Variants in PIK3CB observed in about 807,000 individuals in gnomAD.
PIK3CB encodes the protein phosphatidylinositol 4,5-bisphosphate 3-kinase catalytic subunit beta isoform.
PIK3CB carries 39 observed loss-of-function variants against 136.8 expected under a neutral mutation model. That is an observed-to-expected ratio of 0.29 (90% CI 0.22 to 0.37). The LOEUF is 0.37. PIK3CB is among the 10% of genes least tolerant of loss of function. The pLI, the probability that PIK3CB is intolerant of heterozygous loss-of-function variation, is 1.00. For missense variants in PIK3CB, 868 were observed against 1,275.4 expected, an observed-to-expected ratio of 0.68 and a Z score of 4.87; for synonymous variants, 428 against 436.6, an observed-to-expected ratio of 0.98 and a Z score of 0.25.
chr3:138,789,880 G>A lies in PIK3CB; in HGVS notation c.-17+6583C>T, dbSNP rs570739502. ...TAATTTTCATATTTTTAGTAGAGAC[G>A]GGGTTTCACCATGTTGGCCAGGCTG... On this transcript the variant is annotated intron_variant, in intron 2 of 23. Coordinates refer to ENST00000674063, the MANE Select transcript of PIK3CB (RefSeq NM_006219.3). Among the ~76,000 whole-genome samples, 17 of 152,108 alleles carry A rather than the reference G, an allele frequency of 1.1e-4. No individual in the cohort carries two copies. In the South Asian group the frequency reaches 2.7e-3, roughly 24 times the overall value.
Position 138,699,365 on chromosome 3 carries a change from G to T in PIK3CB, c.1582-270C>A, listed in dbSNP as rs572491032. 8.5e-5 allele frequency among the ~76,000 whole-genome samples: 13 copies of T among 152,222 alleles called. No individual in the cohort carries two copies. The South Asian group carries it at 2.7e-3, about 32-fold the overall frequency. ...GCTTTTTGGATAAAAATCCAAGTCA[G>T]GCCAGGCAAGGTGGCTCACGCCTGT... On this transcript the variant is annotated intron_variant, in intron 12 of 23. Coordinates refer to ENST00000674063, the MANE Select transcript of PIK3CB (RefSeq NM_006219.3).
intron 1 of PIK3CB, among the ~76,000 whole-genome samples, chr3:138,805,784 C>T (rs2046227578): frequency 6.6e-6 from 1 of 151,832 alleles, no homozygotes; most frequent in African/African-American, 2.4e-5. Context: ...GGCTGGAGTG[C>T]AGTGGCGCAA....
chr3:138,774,915 C>T (rs1026553525), intron 2 of PIK3CB, among the ~76,000 whole-genome samples: 1 of 152,180 alleles, frequency 6.6e-6, no homozygotes. Context: ...GCATTTATCC[C>T]AAGTAATTTC....
intron 19 of PIK3CB, among the ~76,000 whole-genome samples, chr3:138,670,725 T>A (rs1323127723): frequency 1.3e-5 from 2 of 152,200 alleles, no homozygotes; most frequent in Non-Finnish European, 2.9e-5. Context: ...TTTGAAAAAC[T>A]AGCTACCTAT....
chr3:138,662,958 A>G (rs2043328516), intron 21 of PIK3CB, among the ~76,000 whole-genome samples: 1 of 152,218 alleles, frequency 6.6e-6, no homozygotes, highest in East Asian at 1.9e-4. Context: ...TAAAAACCCT[A>G]GAAGAAAACT....
chr3:138,830,577 A>G (rs1322763381), intron 1 of PIK3CB, among the ~76,000 whole-genome samples: 1 of 151,822 alleles, frequency 6.6e-6, no homozygotes, highest in Non-Finnish European at 1.5e-5. Flanking sequence ...AAAACAAAAA[A>G]TCAAAAGGAA....
At chr3:138,795,255 C>T (rs1461013027) in intron 2 of PIK3CB, among the ~76,000 whole-genome samples, 3 of 143,652 alleles carry the variant, frequency 2.1e-5, no homozygotes, top group Non-Finnish European at 3.0e-5. Context: ...GGGAGGCGGA[C>T]GTTGCAGTGA....
At chr3:138,671,768 A>G (rs2043537730) in intron 19 of PIK3CB, among the ~76,000 whole-genome samples, 1 of 152,268 alleles carries the variant, frequency 6.6e-6, no homozygotes, top group African/African-American at 2.4e-5. Context: ...CCATGAGAGC[A>G]CACCTGAACA....
In PIK3CB at chr3:138,653,039, T is replaced by C. The variant is rs1169177897; in HGVS notation, c.*2350A>G. The C allele has an allele frequency of 4.9e-6, 1 of 204,576 alleles. No individual in the cohort carries two copies. The highest frequency in any genetic ancestry group is 1.0e-5 in the Non-Finnish European group (1 of 100,088). 12.7% of individuals were successfully genotyped at this position (204,576 alleles called of 1,614,324 possible). On this transcript the variant is annotated 3_prime_UTR_variant, in exon 24 of 24. Transcript: ENST00000674063. Reference sequence around the variant, plus strand: ...ACTTACCCAGGAATCTAACAAACGATGCATAATATGTAAACACAGAATACT... The same window carrying C: ...ACTTACCCAGGAATCTAACAAACGACGCATAATATGTAAACACAGAATACT...
rs1191168084 is a variant in PIK3CB at position 138,694,876 on chromosome 3, A to G, written c.1802T>C (p.Leu601Pro). 1 of 1,609,502 alleles carries G rather than the reference A, an allele frequency of 6.2e-7. No individual in the cohort carries two copies. Among genetic ancestry groups the G allele is most frequent in the Non-Finnish European group, 8.5e-7 (1 of 1,178,256 alleles). Residue 601 changes from leucine (L) to proline (P), a missense_variant, in exon 14 of 24, where the codon CTG (leucine) becomes CCG (proline). Physicochemically the swap from Leu to Pro is moderately conservative, Grantham distance 98. Transcript: ENST00000674063. ...LQALLQIWPK[L>P]PPREALELLD... ...AAGCTCTAGGGCCTCCCGGGGGGGC[A>G]GTTTAGGCCAAATCTGAAGCAGCGC...
intron 2 of PIK3CB, among the ~76,000 whole-genome samples, chr3:138,762,143 G>A (rs1159983334): frequency 6.6e-6 from 1 of 151,990 alleles, no homozygotes; most frequent in East Asian, 1.9e-4. Context: ...CAGCTACTCA[G>A]GAGGCTGAGG....
chr3:138,680,229 G>A (rs2043741227), intron 19 of PIK3CB, among the ~76,000 whole-genome samples: 1 of 151,818 alleles, frequency 6.6e-6, no homozygotes, highest in African/African-American at 2.4e-5. Flanking sequence ...GTGGTGGTGG[G>A]TGCCTGTAAT....
chr3:138,693,969 T>TATATA (rs2044077647), intron 14 of PIK3CB, among the ~76,000 whole-genome samples: 1 of 46,484 alleles, frequency 2.2e-5, no homozygotes, highest in Non-Finnish European at 3.9e-5. Context: ...ATATATATTA[T>TATATA]ATATATATAT....
intron 4 of PIK3CB, among the ~76,000 whole-genome samples, chr3:138,752,653 G>A (rs1321005484): frequency 3.3e-5 from 5 of 151,638 alleles, no homozygotes; most frequent in Non-Finnish European, 7.4e-5. Flanking sequence ...AGGTTGCAGT[G>A]AGCCAAAAAG....
chr3:138,665,190 C>T lies in PIK3CB; in HGVS notation c.2518G>A (p.Gly840Ser). ...AGLDLRMLPY[G>S]CLATGDRSGL... ...GAGCGATCTCCTGTTGCTAAACAGC[C>T]ATAAGGCAACATCCTGGAAGGAAAA... is the stretch of plus-strand genomic sequence containing the variant. The change falls in exon 20 of 24, where the codon GGC becomes AGC. Residue 840 changes from glycine to serine, a missense_variant. By Grantham distance (56) the Gly-to-Ser change is moderately conservative. This residue lies in a region of PIK3CB where 165 missense variants were observed against 295.4 expected (regional missense o/e 0.56). Transcript: ENST00000674063. The T allele has an allele frequency of 1.9e-6, 3 of 1,598,890 alleles. No individual in the cohort carries two copies. Among genetic ancestry groups the T allele is most frequent in the Non-Finnish European group, 2.6e-6 (3 of 1,171,340 alleles).
chr3:138,662,289 G>C (rs1483188097), intron 21 of PIK3CB, among the ~76,000 whole-genome samples: 4 of 121,222 alleles, frequency 3.3e-5, no homozygotes, highest in Non-Finnish European at 6.4e-5. Context: ...AGTCCCCAGA[G>C]TGTGATGTTC....
intron 19 of PIK3CB, among the ~76,000 whole-genome samples, 198 bp from the exon 20 acceptor site, chr3:138,665,401 G>A (rs2108423973): frequency 6.6e-6 from 1 of 152,284 alleles, no homozygotes; most frequent in Admixed American, 6.5e-5. Flanking sequence ...TAATTTACAA[G>A]GATTCCAATG....
chr3:138,693,966 T>TTATATATA (rs1290359773), intron 14 of PIK3CB, among the ~76,000 whole-genome samples: 4 of 42,404 alleles, frequency 9.4e-5, no homozygotes, highest in Admixed American at 3.5e-4. Context: ...TATATATATA[T>TTATATATA]TATATATATA....
At chr3:138,753,493 T>C (rs772612) in intron 4 of PIK3CB, among the ~76,000 whole-genome samples, 91,574 of 151,096 alleles carry the variant, frequency 0.61, 28,463 homozygotes, top group East Asian at 0.98. Flanking sequence ...TGCACTCCAG[T>C]CTGGGCAACA....
Sources: allele counts gnomAD v4.1 joint callset (sites outside exome capture counted in the v4.1 genomes callset), GRCh38; gene constraint gnomAD v4.1.1; regional missense constraint gnomAD v4.1.1; transcripts MANE v1.5; gene names NCBI Gene and HGNC (gene_info 2026-07-23, HGNC 2026-07-21).